The following EEPD1 variants were observed in gnomAD, a reference collection of about 807,000 sequenced individuals.
EEPD1 encodes endonuclease/exonuclease/phosphatase family domain-containing protein 1.
In EEPD1, 17 loss-of-function variants were observed where a neutral mutation model predicts 46.3. That is an observed-to-expected ratio of 0.37 (90% CI 0.25 to 0.55). EEPD1 has a LOEUF of 0.55. Ranked by LOEUF, EEPD1 falls within the 20% of genes least tolerant of loss-of-function variation. The pLI is 0.83. For missense variants in EEPD1, 673 were observed against 745.6 expected (o/e 0.90, Z 1.13); for synonymous variants, 313 against 315.6 (o/e 0.99, Z 0.09).
At position 36,225,757 on chromosome 7, in the gene EEPD1, C is replaced by G. The variant is rs989837227; in HGVS notation, c.879-13228C>G. ...CTGAGAATCTGAAGCATTAAAAGTT[C>G]TTCGATTATCAAGTAAGTTTATGAA... On this transcript the variant is annotated intron_variant, in intron 2 of 7. Coordinates refer to ENST00000242108, the MANE Select transcript of EEPD1 (RefSeq NM_030636.3). This position sits in a 1 kb window ranked among gnomAD's most constrained non-coding sequence, Gnocchi z 4.2. 6.6e-6 allele frequency among the ~76,000 whole-genome samples: 1 copy of G among 152,156 alleles called. No homozygotes were observed. Among genetic ancestry groups the G allele is most frequent in the Non-Finnish European group, 1.5e-5 (1 of 68,034 alleles).
chr7:36,251,346 T>A (rs1191271074), intron 3 of EEPD1, among the ~76,000 whole-genome samples: 1 of 152,192 alleles, frequency 6.6e-6, no homozygotes, highest in East Asian at 1.9e-4. Context: ...GTCTTGCTTT[T>A]GTTCCCAAGT....
chr7:36,201,420 G>A (rs528099939), intron 2 of EEPD1, among the ~76,000 whole-genome samples: 2 of 152,164 alleles, frequency 1.3e-5, no homozygotes, highest in Non-Finnish European at 2.9e-5. Context: ...CTGCACCAGG[G>A]CATGGAGAAA....
intron 3 of EEPD1, among the ~76,000 whole-genome samples, chr7:36,247,855 A>T (rs947082663): frequency 2.2e-4 from 33 of 152,216 alleles, no homozygotes; most frequent in Non-Finnish European, 3.1e-4. Flanking sequence ...GGCCCAGGTG[A>T]TGGGGAACCA....
rs145309267 is a variant in EEPD1 at position 36,178,470 on chromosome 7, T to C, written c.878+23268T>C. On this transcript the variant is annotated intron_variant, in intron 2 of 7. Coordinates refer to ENST00000242108, the MANE Select transcript of EEPD1 (RefSeq NM_030636.3). ...CTTCTTGGTCTCCTCATCTCATGAT[T>C]CCTCCAGCTGTCTCTAAGCCCTTGA... Among the ~76,000 whole-genome samples the C allele has an allele frequency of 4.3e-3, 648 of 152,358 alleles. 8 individuals are homozygous for C. Among genetic ancestry groups the C allele is most frequent in the African/African-American group, 0.015 (625 of 41,586 alleles).
chr7:36,170,284 CTG>C lies in EEPD1; in HGVS notation c.878+15084_878+15085del, dbSNP rs1306709485. On this transcript the variant is annotated intron_variant, in intron 2 of 7. Transcript: ENST00000242108. Reference sequence around the variant, plus strand: ...ATTAGCTGGGCATGGTGGCGCATGTCTGTAATCCCAGCTACTCAGGAGGCTGA... The same window carrying C: ...ATTAGCTGGGCATGGTGGCGCATGTCTAATCCCAGCTACTCAGGAGGCTGA... Among the ~76,000 whole-genome samples, 5 of 152,248 alleles carry C rather than the reference CTG, an allele frequency of 3.3e-5. No homozygotes were observed. In the East Asian group the frequency reaches 9.7e-4, roughly 29 times the overall value.
At chr7:36,270,362 G>C (rs1389310602) in intron 3 of EEPD1, among the ~76,000 whole-genome samples, 1 of 152,004 alleles carries the variant, frequency 6.6e-6, no homozygotes, top group East Asian at 1.9e-4. Flanking sequence ...AGAACGTGCA[G>C]GTTTGTTACA....
chr7:36,171,453 T>TATCAG (rs1785079518), intron 2 of EEPD1, among the ~76,000 whole-genome samples: 1 of 152,234 alleles, frequency 6.6e-6, no homozygotes, highest in Non-Finnish European at 1.5e-5. Context: ...AGTCAGACTT[T>TATCAG]ATCAGGCTTT....
At chr7:36,205,376 G>T (rs879332243) in intron 2 of EEPD1, among the ~76,000 whole-genome samples, 2 of 152,180 alleles carry the variant, frequency 1.3e-5, no homozygotes, top group African/African-American at 4.8e-5. Context: ...AAACAGTTTT[G>T]CTCTAGGCTT....
chr7:36,271,938 A>G (rs545835798), intron 3 of EEPD1, among the ~76,000 whole-genome samples: 28 of 151,504 alleles, frequency 1.8e-4, no homozygotes, highest in Admixed American at 9.2e-4. Context: ...CTGGAGTGCA[A>G]TGGCACAATC....
At chr7:36,293,590 T>C (rs558640701) in intron 6 of EEPD1, among the ~76,000 whole-genome samples, 1 of 152,290 alleles carries the variant, frequency 6.6e-6, no homozygotes, top group African/African-American at 2.4e-5. Context: ...TAAGCTCCAC[T>C]TTTACCCACT....
chr7:36,178,870 C>T lies in EEPD1; in HGVS notation c.878+23668C>T, dbSNP rs1215695865. On this transcript the variant is annotated intron_variant, in intron 2 of 7. Transcript: ENST00000242108. ...CCAGGGAGATAACTTAATCCAAGGC[C>T]ATGTTCAGTTAATTTAGAAAAGCCT... 3.3e-5 allele frequency among the ~76,000 whole-genome samples: 5 copies of T among 152,326 alleles called. No individual in the cohort carries two copies. In the South Asian group the frequency reaches 8.3e-4, roughly 25 times the overall value.
At chr7:36,265,428 C>T (rs547927439) in intron 3 of EEPD1, among the ~76,000 whole-genome samples, 1 of 152,308 alleles carries the variant, frequency 6.6e-6, no homozygotes, top group South Asian at 2.1e-4. Flanking sequence ...TGTTTACAGA[C>T]AGAGAAAATA....
At chr7:36,179,433 G>T (rs1213758598) in intron 2 of EEPD1, among the ~76,000 whole-genome samples, 2 of 152,100 alleles carry the variant, frequency 1.3e-5, no homozygotes, top group East Asian at 3.9e-4. Flanking sequence ...TTAAAATTAG[G>T]AATAGGGCTG....
intron 2 of EEPD1, among the ~76,000 whole-genome samples, chr7:36,204,790 A>G (rs1284735306): frequency 6.6e-6 from 1 of 151,476 alleles, no homozygotes; most frequent in East Asian, 1.9e-4. Flanking sequence ...AGAAATTACT[A>G]TGTGACAGTG....
rs573519498 is a variant in EEPD1 at position 36,195,263 on chromosome 7, G to C, written c.878+40061G>C. On this transcript the variant is annotated intron_variant, in intron 2 of 7. Coordinates refer to ENST00000242108, the MANE Select transcript of EEPD1 (RefSeq NM_030636.3). ...GGGGAGCATGCGGGATTTACTCATGGGAGACATGAGGCGACTCCTGCCTCC... is the reference window on the plus strand; with the variant it reads ...GGGGAGCATGCGGGATTTACTCATGCGAGACATGAGGCGACTCCTGCCTCC... Among the ~76,000 whole-genome samples the C allele has an allele frequency of 2.4e-3, 365 of 152,338 alleles. 2 individuals are homozygous for C. Among genetic ancestry groups the C allele is most frequent in the Middle Eastern group, 3.4e-3 (1 of 294 alleles).
At chr7:36,169,509 T>A (rs1379332057) in intron 2 of EEPD1, among the ~76,000 whole-genome samples, 1 of 152,220 alleles carries the variant, frequency 6.6e-6, no homozygotes, top group African/African-American at 2.4e-5. Context: ...TTGTCATATG[T>A]TTATTGGTTA....
chr7:36,207,662 C>G (rs1457181447), intron 2 of EEPD1, among the ~76,000 whole-genome samples: 1 of 152,154 alleles, frequency 6.6e-6, no homozygotes, highest in East Asian at 1.9e-4. Flanking sequence ...ATTCCAGGGT[C>G]CTTTCCTGCG....
intron 2 of EEPD1, among the ~76,000 whole-genome samples, chr7:36,178,878 G>A (rs1482254257): frequency 6.6e-6 from 1 of 152,210 alleles, no homozygotes; most frequent in Non-Finnish European, 1.5e-5. Flanking sequence ...GCCATGTTCA[G>A]TTAATTTAGA....
chr7:36,268,905 G>T (rs978429788), intron 3 of EEPD1, among the ~76,000 whole-genome samples: 1 of 152,180 alleles, frequency 6.6e-6, no homozygotes, highest in South Asian at 2.1e-4. Flanking sequence ...TTGGTAAGTG[G>T]TAGATCCAAA....
Sources: gnomAD v4.1 joint callset for allele counts (sites outside exome capture counted in the v4.1 genomes callset) on GRCh38, gnomAD v4.1.1 for gene constraint, Gnocchi (gnomAD v3.1) non-coding constraint, MANE v1.5 for transcripts, NCBI Gene and HGNC (gene_info 2026-07-23, HGNC 2026-07-21) for gene names.